The following SLX9 variants were observed in gnomAD, a reference collection of about 807,000 sequenced individuals.
SLX9 encodes the protein SLX9 ribosome biogenesis factor.
A neutral mutation model predicts 20.8 loss-of-function variants in SLX9; 19 were observed. The ratio of observed to expected loss-of-function variants is 0.91; its 90% CI spans 0.64 to 1.34. The LOEUF (loss-of-function observed/expected upper bound fraction) is 1.34. Ranked by LOEUF, SLX9 falls within the 40% of genes most tolerant of loss-of-function variation. The pLI is 0.00. For synonymous variants in SLX9, 113 were observed against 137.1 expected, an observed-to-expected ratio of 0.82 and a Z score of 1.23; for missense variants, 299 against 322.2, an observed-to-expected ratio of 0.93 and a Z score of 0.55.
At chr21:44,968,788 C>G (rs1289924563) in intron 4 of SLX9, among the ~76,000 whole-genome samples, 2 of 145,934 alleles carry the variant, frequency 1.4e-5, no homozygotes, top group Non-Finnish European at 3.0e-5. Flanking sequence ...GAGCCTTGCT[C>G]TGTCCCCCAG....
intron 2 of SLX9, among the ~76,000 whole-genome samples, chr21:44,957,579 C>A (rs1429587074): frequency 6.6e-6 from 1 of 152,252 alleles, no homozygotes. Context: ...GCAGGAGCCA[C>A]CTCATGCCCT....
chr21:44,966,107 C>T (rs2085029082), intron 3 of SLX9, among the ~76,000 whole-genome samples: 1 of 152,158 alleles, frequency 6.6e-6, no homozygotes, highest in African/African-American at 2.4e-5. Context: ...CACCCTGCTA[C>T]AGGGACCCAG....
upstream of SLX9, chr21:44,939,811 A>G (rs1601360689): frequency 9.0e-6 from 5 of 554,730 alleles, no homozygotes; most frequent in African/African-American, 7.7e-5. Flanking sequence ...CGATCTAGAC[A>G]GAAACTCGTT....
chr21:44,942,749 C>T (rs115834889), intron 1 of SLX9, among the ~76,000 whole-genome samples: 1,876 of 152,108 alleles, frequency 0.012, 38 homozygotes, highest in African/African-American at 0.041. Flanking sequence ...AGAGGTTGAA[C>T]GGAGGTGGTT....
intron 2 of SLX9, among the ~76,000 whole-genome samples, chr21:44,951,308 G>A (rs2084752500): frequency 6.6e-6 from 1 of 152,120 alleles, no homozygotes; most frequent in South Asian, 2.1e-4. Context: ...ATCGCGCAGG[G>A]AGGTAGGAGA....
chr21:44,965,473 A>G (rs1211988977), intron 3 of SLX9, among the ~76,000 whole-genome samples: 1 of 152,108 alleles, frequency 6.6e-6, no homozygotes, highest in African/African-American at 2.4e-5. Flanking sequence ...CTGAAATGTG[A>G]TACTCACTGT....
intron 2 of SLX9, among the ~76,000 whole-genome samples, chr21:44,956,328 CT>C (rs1186197888): frequency 6.6e-6 from 1 of 152,126 alleles, no homozygotes; most frequent in Non-Finnish European, 1.5e-5. Context: ...GTAGTAGTGC[CT>C]TTTTAATGTA....
At chr21:44,972,262 G>A (rs753354802) in intron 4 of SLX9, among the ~76,000 whole-genome samples, 4 of 152,100 alleles carry the variant, frequency 2.6e-5, no homozygotes, top group Non-Finnish European at 4.4e-5. Context: ...GGCCCAGGTC[G>A]CTGTCCCATG....
At chr21:44,971,472 C>T (rs868624233) in intron 4 of SLX9, among the ~76,000 whole-genome samples, 6 of 152,100 alleles carry the variant, frequency 3.9e-5, no homozygotes, top group South Asian at 2.1e-4. Context: ...GGGGAGGTGC[C>T]GCGCCTGGCC....
chr21:44,946,981 G>T (rs894362775), intron 2 of SLX9, among the ~76,000 whole-genome samples: 1 of 152,190 alleles, frequency 6.6e-6, no homozygotes, highest in African/African-American at 2.4e-5. Flanking sequence ...AGGCGGAGGG[G>T]CTTGCCCTGG....
intron 2 of SLX9, among the ~76,000 whole-genome samples, chr21:44,944,796 G>A (rs1017934579): frequency 4.0e-4 from 61 of 152,368 alleles, no homozygotes; most frequent in African/African-American, 1.4e-3. Context: ...CGTTAAGATC[G>A]TGGGCTCTGG....
At chr21:44,968,463 T>G (rs905995346) in intron 4 of SLX9, among the ~76,000 whole-genome samples, 4 of 152,252 alleles carry the variant, frequency 2.6e-5, no homozygotes, top group African/African-American at 9.6e-5. Context: ...TGACCCTCCC[T>G]GTCACCTCGC....
intron 2 of SLX9, among the ~76,000 whole-genome samples, chr21:44,956,866 T>A (rs1462560223): frequency 5.3e-5 from 8 of 152,200 alleles, no homozygotes; most frequent in Non-Finnish European, 1.2e-4. Flanking sequence ...TGTGGCTTCC[T>A]CCACTGAGGC....
chr21:44,965,343 GC>G (rs1052924687), intron 3 of SLX9, among the ~76,000 whole-genome samples: 151 of 152,074 alleles, frequency 9.9e-4, no homozygotes, highest in African/African-American at 3.4e-3. Flanking sequence ...CGTGGGTCCC[GC>G]CCCGCCACTG....
chr21:44,954,710 G>A (rs1486163302), intron 2 of SLX9, among the ~76,000 whole-genome samples: 1 of 152,150 alleles, frequency 6.6e-6, no homozygotes, highest in Non-Finnish European at 1.5e-5. Context: ...TCTTGGCTGT[G>A]ACTGCTCTTC....
chr21:44,945,813 T>A (rs1337190838), intron 2 of SLX9, among the ~76,000 whole-genome samples: 1 of 152,250 alleles, frequency 6.6e-6, no homozygotes, highest in Admixed American at 6.5e-5. Context: ...TGGGTTCAAG[T>A]GATTCCCCTG....
Position 44,967,179 on chromosome 21 carries a change from C to T in SLX9, c.498C>T (p.Arg166=). 4 of 1,580,048 alleles carry T rather than the reference C, an allele frequency of 2.5e-6. No homozygotes were observed. The highest frequency in any genetic ancestry group is 3.4e-6 in the Non-Finnish European group (4 of 1,163,824). ...AGGCTGGCAGCCGGCGCCAAGCCCG[C>T]AGGTGAGTGTCCGGGAGGGGTGGCC... The part of the protein sequence containing the change: ...GLEAGSRRQA[R]SRESNKPRPS... The change falls in exon 4 of 6, where the codon CGC becomes CGT. Residue 166 remains arginine, a splice_region_variant and synonymous_variant. Coordinates refer to ENST00000291634, the MANE Select transcript of SLX9 (RefSeq NM_058190.4).
At chr21:44,957,244 G>A (rs1343432381) in intron 2 of SLX9, among the ~76,000 whole-genome samples, 2 of 152,194 alleles carry the variant, frequency 1.3e-5, no homozygotes, top group Non-Finnish European at 2.9e-5. Context: ...GGGCTGAGGC[G>A]GGGTCTTCCA....
intron 2 of SLX9, among the ~76,000 whole-genome samples, chr21:44,958,885 G>A (rs1601401174): frequency 6.6e-6 from 1 of 152,262 alleles, no homozygotes; most frequent in Non-Finnish European, 1.5e-5. Context: ...CCTGGCCTGC[G>A]CCCAGGCCTC....
Sources: gnomAD v4.1 joint callset for allele counts (sites outside exome capture counted in the v4.1 genomes callset) on GRCh38, gnomAD v4.1.1 for gene constraint, MANE v1.5 for transcripts, NCBI Gene and HGNC (gene_info 2026-07-23, HGNC 2026-07-21) for gene names.